SLC4A7: variants seen among roughly 807,000 people sequenced by gnomAD.
The protein encoded by SLC4A7 is solute carrier family 4 member 7.
Under a neutral mutation model 137.6 loss-of-function variants are expected in SLC4A7, and 51 were observed. The ratio of observed to expected loss-of-function variants is 0.37; its 90% CI spans 0.30 to 0.47. SLC4A7 has a LOEUF of 0.47. SLC4A7 is among the 20% of genes least tolerant of loss of function. SLC4A7 has a pLI of 1.00. For synonymous variants in SLC4A7, 542 were observed against 518.6 expected (o/e 1.05, Z -0.61); for missense variants, 1,247 against 1,525.4 (o/e 0.82, Z 3.04).
intron 1 of SLC4A7, chr3:27,456,560 T>C: frequency 1.1e-6 from 1 of 896,510 alleles, no homozygotes; most frequent in South Asian, 1.3e-5. Context: ...AAGCCAGTGC[T>C]AATAAGCCTG....
At chr3:27,391,010 G>A (rs2051496687) in intron 21 of SLC4A7, among the ~76,000 whole-genome samples, 1 of 152,022 alleles carries the variant, frequency 6.6e-6, no homozygotes, top group Non-Finnish European at 1.5e-5. Flanking sequence ...TTTTGTAGAG[G>A]CAGGATCTCA....
At chr3:27,456,490 A>T (rs570304558) in intron 1 of SLC4A7, among the ~76,000 whole-genome samples, 5 of 152,330 alleles carry the variant, frequency 3.3e-5, no homozygotes, top group South Asian at 2.1e-4. Flanking sequence ...ACTTTACACA[A>T]GGAATTACTC....
rs1269125604 is a variant in SLC4A7, at chr3:27,484,139, A to G, written c.-13T>C. ...CATCAGCCTCCATGGCCGGCCGGCC[A>G]GCCCGTGACGGCCGCTACGGTACTG... On this transcript the variant is annotated 5_prime_UTR_variant, in exon 1 of 26. Coordinates refer to ENST00000454389, the MANE Select transcript of SLC4A7 (RefSeq NM_001321103.2). 3 of 1,366,694 alleles carry G rather than the reference A, an allele frequency of 2.2e-6. No homozygotes were observed. Among genetic ancestry groups the G allele is most frequent in the Non-Finnish European group, 2.8e-6 (3 of 1,056,426 alleles). 84.7% of individuals were successfully genotyped at this position (1,366,694 alleles called of 1,614,324 possible).
At chr3:27,392,770 G>C (rs185483434) in intron 20 of SLC4A7, among the ~76,000 whole-genome samples, 164 of 151,964 alleles carry the variant, frequency 1.1e-3, no homozygotes, top group Admixed American at 3.5e-3. Flanking sequence ...AGGTTGCAGT[G>C]AGCCAAGATC....
intron 10 of SLC4A7, among the ~76,000 whole-genome samples, chr3:27,419,843 C>T (rs1197417966): frequency 1.3e-5 from 2 of 151,840 alleles, no homozygotes; most frequent in African/African-American, 4.8e-5. Context: ...AGATTAAATG[C>T]AAAACACATT....
chr3:27,475,248 C>T (rs2059416945), intron 1 of SLC4A7, among the ~76,000 whole-genome samples: 1 of 151,590 alleles, frequency 6.6e-6, no homozygotes, highest in Non-Finnish European at 1.5e-5. Context: ...ATGTAGGATA[C>T]TCCATAAGAA....
chr3:27,430,560 C>T (rs932838031), intron 7 of SLC4A7, among the ~76,000 whole-genome samples: 42 of 139,794 alleles, frequency 3.0e-4, no homozygotes, highest in Middle Eastern at 4.0e-3. Context: ...GTGGAGGTTA[C>T]AGTGAGCTGA....
intron 13 of SLC4A7, among the ~76,000 whole-genome samples, chr3:27,408,446 A>G: frequency 6.6e-6 from 1 of 152,250 alleles, no homozygotes; most frequent in Non-Finnish European, 1.5e-5. Context: ...GATTTTACAT[A>G]ATCCAAAATA....
intron 1 of SLC4A7, among the ~76,000 whole-genome samples, chr3:27,459,863 T>C (rs570068750): frequency 6.6e-6 from 1 of 151,892 alleles, no homozygotes; most frequent in African/African-American, 2.4e-5. Context: ...TTATTTTATG[T>C]CTTGGTTTAT....
At chr3:27,404,700 C>T in intron 14 of SLC4A7, 130 bp downstream of exon 14, 1 of 687,854 alleles carries the variant, frequency 1.5e-6, no homozygotes, top group Non-Finnish European at 2.4e-6. Context: ...GTCAATCATA[C>T]AGTAGCTCAA....
intron 16 of SLC4A7, among the ~76,000 whole-genome samples, chr3:27,399,316 T>C (rs2052518760): frequency 1.3e-5 from 2 of 152,220 alleles, no homozygotes; most frequent in Admixed American, 1.3e-4. Context: ...ATCTGACCCA[T>C]CATGAAATGA....
At chr3:27,478,297 G>T (rs965417689) in intron 1 of SLC4A7, among the ~76,000 whole-genome samples, 2 of 151,464 alleles carry the variant, frequency 1.3e-5, no homozygotes, top group African/African-American at 2.4e-5. Context: ...GTGGGCGGAT[G>T]ACCTGAGGTC....
chr3:27,474,144 T>G (rs2059370653), intron 1 of SLC4A7, among the ~76,000 whole-genome samples: 1 of 152,104 alleles, frequency 6.6e-6, no homozygotes. Flanking sequence ...TACAGTAAGA[T>G]CTCATCAAAA....
At chr3:27,472,530 T>G (rs903902546) in intron 1 of SLC4A7, among the ~76,000 whole-genome samples, 1 of 152,186 alleles carries the variant, frequency 6.6e-6, no homozygotes, top group East Asian at 1.9e-4. Context: ...ATAACTAAAT[T>G]GAATGCAGTG....
chr3:27,450,980 TA>T (rs1252795315), intron 2 of SLC4A7, among the ~76,000 whole-genome samples: 1 of 152,096 alleles, frequency 6.6e-6, no homozygotes, highest in Non-Finnish European at 1.5e-5. Flanking sequence ...CATTAAACAT[TA>T]AATGTATGAC....
intron 1 of SLC4A7, among the ~76,000 whole-genome samples, chr3:27,466,884 T>C (rs913598931): frequency 4.6e-5 from 7 of 152,184 alleles, no homozygotes; most frequent in Non-Finnish European, 8.8e-5. Context: ...TTTAATTTTC[T>C]TTATATTTTC....
At chr3:27,450,917 T>C (rs774584245) in intron 2 of SLC4A7, among the ~76,000 whole-genome samples, 1 of 152,092 alleles carries the variant, frequency 6.6e-6, no homozygotes, top group African/African-American at 2.4e-5. Context: ...TTAGGGCCTG[T>C]GATAACCAAA....
chr3:27,406,342 T>G (rs997643625), intron 13 of SLC4A7, among the ~76,000 whole-genome samples: 2 of 152,226 alleles, frequency 1.3e-5, no homozygotes, highest in African/African-American at 4.8e-5. Flanking sequence ...CATCATCAGC[T>G]AGAACAGCAT....
intron 24 of SLC4A7, among the ~76,000 whole-genome samples, chr3:27,380,481 A>G (rs537787154): frequency 6.6e-6 from 1 of 152,338 alleles, no homozygotes; most frequent in African/African-American, 2.4e-5. Flanking sequence ...GGAAAGTATC[A>G]TAAAGTTAAT....
Sources: gnomAD v4.1 joint callset for allele counts (sites outside exome capture counted in the v4.1 genomes callset) on GRCh38, gnomAD v4.1.1 for gene constraint, MANE v1.5 for transcripts, NCBI Gene and HGNC (gene_info 2026-07-23, HGNC 2026-07-21) for gene names.